The following DACH1 variants were observed in gnomAD, a reference collection of about 807,000 sequenced individuals.
The protein encoded by DACH1 is dachshund homolog 1.
A neutral mutation model predicts 54.2 loss-of-function variants in DACH1; 12 were observed. The ratio of observed to expected loss-of-function variants is 0.22; its 90% CI spans 0.14 to 0.36. DACH1 has a LOEUF of 0.36. DACH1 is among the 10% of genes least tolerant of loss of function. The pLI is 1.00. For synonymous variants in DACH1, 386 were observed against 366.2 expected, an observed-to-expected ratio of 1.05 and a Z score of -0.62; for missense variants, 805 against 929.8, an observed-to-expected ratio of 0.87 and a Z score of 1.75.
chr13:71,699,148 C>T (rs1368236386), intron 1 of DACH1, among the ~76,000 whole-genome samples: 1 of 152,066 alleles, frequency 6.6e-6, no homozygotes, highest in Non-Finnish European at 1.5e-5. Flanking sequence ...CTTTCACAAA[C>T]TAAAATACTT....
chr13:71,505,542 T>C (rs1880244776), intron 6 of DACH1, among the ~76,000 whole-genome samples: 1 of 151,904 alleles, frequency 6.6e-6, no homozygotes, highest in Admixed American at 6.6e-5. Flanking sequence ...ACACCACACA[T>C]ACACTTAGTT....
At position 71,625,115 on chromosome 13, in the gene DACH1, C is replaced by CT. The variant is rs200384976; in HGVS notation, c.1126+5440dup. On this transcript the variant is annotated intron_variant, in intron 3 of 10. Coordinates refer to ENST00000613252, the MANE Select transcript of DACH1 (RefSeq NM_080759.6). ...GTCTAAAGCCAATCTTCTTTTTAAA[C>CT]TTTTTTTTTATAACAGAAACCAAAT... Among the ~76,000 whole-genome samples, 803 of 151,446 alleles carry CT rather than the reference C, an allele frequency of 5.3e-3. 6 individuals carry two copies. Among genetic ancestry groups the CT allele is most frequent in the Non-Finnish European group, 9.0e-3 (608 of 67,732 alleles).
At chr13:71,489,321 A>G (rs1264528292) in intron 6 of DACH1, among the ~76,000 whole-genome samples, 173 bp from the exon 7 acceptor site, 1 of 152,308 alleles carries the variant, frequency 6.6e-6, no homozygotes, top group South Asian at 2.1e-4. Context: ...TGGAGATACA[A>G]CAAGATAACA....
intron 1 of DACH1, among the ~76,000 whole-genome samples, chr13:71,692,893 G>A (rs1380892244): frequency 6.6e-6 from 1 of 151,998 alleles, no homozygotes; most frequent in African/African-American, 2.4e-5. Flanking sequence ...ACAATTTGGT[G>A]TTATATTATC....
intron 1 of DACH1, among the ~76,000 whole-genome samples, chr13:71,841,876 C>T (rs1353145088): frequency 2.0e-5 from 3 of 152,176 alleles, no homozygotes; most frequent in Non-Finnish European, 2.9e-5. Context: ...TTCCTACTAA[C>T]TTCTACATAG....
chr13:71,560,595 T>C (rs570197172), intron 4 of DACH1, among the ~76,000 whole-genome samples: 5 of 152,178 alleles, frequency 3.3e-5, no homozygotes, highest in Non-Finnish European at 7.4e-5. Context: ...TTATGAAATA[T>C]ATATCAATCA....
chr13:71,708,815 G>T, intron 1 of DACH1, among the ~76,000 whole-genome samples: 1 of 147,616 alleles, frequency 6.8e-6, no homozygotes, highest in Admixed American at 6.7e-5. Flanking sequence ...TTATTACTTT[G>T]TCAATAAGCT....
At chr13:71,621,332 G>A (rs1307985928) in intron 3 of DACH1, among the ~76,000 whole-genome samples, 1 of 152,062 alleles carries the variant, frequency 6.6e-6, no homozygotes, top group Non-Finnish European at 1.5e-5. Flanking sequence ...AGTCCCTGTC[G>A]CATTTGCCCT....
intron 1 of DACH1, among the ~76,000 whole-genome samples, chr13:71,843,626 A>G (rs1283260660): frequency 6.6e-6 from 1 of 152,182 alleles, no homozygotes; most frequent in African/African-American, 2.4e-5. Flanking sequence ...TTGAAAAATG[A>G]TAGTACTCTA....
intron 1 of DACH1, among the ~76,000 whole-genome samples, chr13:71,813,443 A>G (rs1036684920): frequency 6.6e-6 from 1 of 152,148 alleles, no homozygotes; most frequent in Non-Finnish European, 1.5e-5. Flanking sequence ...TGCAGTTCCC[A>G]TAACTCCTCT....
intron 1 of DACH1, among the ~76,000 whole-genome samples, chr13:71,809,503 T>C (rs1009705411): frequency 6.6e-6 from 1 of 152,170 alleles, no homozygotes; most frequent in Non-Finnish European, 1.5e-5. Flanking sequence ...AGATGTGCAC[T>C]TTTGAAATTA....
intron 10 of DACH1, among the ~76,000 whole-genome samples, chr13:71,465,351 T>G (rs1359163300): frequency 6.6e-6 from 1 of 152,058 alleles, no homozygotes; most frequent in Non-Finnish European, 1.5e-5. Context: ...TCAGATCACT[T>G]TTATGACTCT....
chr13:71,702,606 T>C (rs1442887984), intron 1 of DACH1, among the ~76,000 whole-genome samples: 1 of 152,134 alleles, frequency 6.6e-6, no homozygotes, highest in Non-Finnish European at 1.5e-5. Context: ...CAGGGAACAA[T>C]GCTGATTAAA....
At chr13:71,664,788 A>G (rs1218300634) in intron 2 of DACH1, among the ~76,000 whole-genome samples, 8 of 152,060 alleles carry the variant, frequency 5.3e-5, no homozygotes, top group African/African-American at 7.2e-5. Flanking sequence ...TGTAATAATA[A>G]CATACAAATT....
intron 6 of DACH1, among the ~76,000 whole-genome samples, chr13:71,492,473 G>C (rs12874595): frequency 6.6e-6 from 1 of 152,028 alleles, no homozygotes; most frequent in African/African-American, 2.4e-5. Context: ...AGTTAAGGAA[G>C]GGAGACAACC....
chr13:71,603,172 T>C (rs1874628979), intron 3 of DACH1, among the ~76,000 whole-genome samples: 1 of 151,948 alleles, frequency 6.6e-6, no homozygotes, highest in Admixed American at 6.6e-5. Context: ...TTTGGAAAAA[T>C]TGAATTTTTT....
intron 3 of DACH1, among the ~76,000 whole-genome samples, chr13:71,621,234 G>C (rs901006320): frequency 1.3e-5 from 2 of 151,946 alleles, no homozygotes; most frequent in African/African-American, 4.8e-5. Flanking sequence ...TCAACAGCTT[G>C]AAGTGACAGG....
At chr13:71,676,479 A>G (rs999309417) in intron 2 of DACH1, among the ~76,000 whole-genome samples, 12 of 152,120 alleles carry the variant, frequency 7.9e-5, no homozygotes, top group Non-Finnish European at 1.5e-4. Context: ...CGGCCCCCCA[A>G]ATTTCTGGGA....
chr13:71,552,830 TATATATATATATAGAGAGAGAGAGAG>T (rs1268113228), intron 6 of DACH1, among the ~76,000 whole-genome samples: 11 of 42,842 alleles, frequency 2.6e-4, no homozygotes, highest in Admixed American at 1.1e-3. Flanking sequence ...TATATATATA[TATATATATATATAGAGAGAGAGAGAG>T]AGAGAGAGAG....
Sources: allele counts gnomAD v4.1 joint callset (sites outside exome capture counted in the v4.1 genomes callset), GRCh38; gene constraint gnomAD v4.1.1; transcripts MANE v1.5; gene names NCBI Gene and HGNC (gene_info 2026-07-23, HGNC 2026-07-21).